TENM3: variants seen among roughly 807,000 people sequenced by gnomAD.
TENM3 encodes the protein teneurin-3.
TENM3 carries 63 observed loss-of-function variants against 255.1 expected under a neutral mutation model. The ratio of observed to expected loss-of-function variants is 0.25; its 90% CI spans 0.20 to 0.30. The LOEUF is 0.30. TENM3 is among the 10% of genes least tolerant of loss of function. The probability of loss-of-function intolerance (pLI) is 1.00; values close to 1 mark genes in which losing one functional copy is unlikely to be tolerated. For synonymous variants in TENM3, 1,306 were observed against 1,322.3 expected (o/e 0.99, Z 0.27); for missense variants, 2,929 against 3,461.1 (o/e 0.85, Z 3.86).
chr4:181,452,524 T>C, the TENM3 span, among the ~76,000 whole-genome samples: 1 of 152,116 alleles, frequency 6.6e-6, no homozygotes, highest in Non-Finnish European at 1.5e-5. Context: ...TGGTATTTCT[T>C]GGTGCCACCA....
the TENM3 span, among the ~76,000 whole-genome samples, chr4:182,064,540 A>G: frequency 0.13 from 19,247 of 152,018 alleles, 1,689 homozygotes; most frequent in African/African-American, 0.24. Flanking sequence ...CCGAGATCGC[A>G]CCACTGCTCC....
intron 5 of TENM3, among the ~76,000 whole-genome samples, chr4:182,643,908 G>A (rs557744570): frequency 1.3e-5 from 2 of 152,256 alleles, no homozygotes; most frequent in Non-Finnish European, 2.9e-5. Flanking sequence ...TTTCAGCATG[G>A]TATTTTTAAA....
At chr4:182,304,128 A>C (rs952017266) in intron 1 of TENM3, among the ~76,000 whole-genome samples, 1 of 152,142 alleles carries the variant, frequency 6.6e-6, no homozygotes, top group African/African-American at 2.4e-5. Context: ...AGTAAAAAAA[A>C]AAAGAAGTCA....
chr4:182,320,065 A>G (rs926193475), intron 1 of TENM3, among the ~76,000 whole-genome samples: 2 of 152,050 alleles, frequency 1.3e-5, no homozygotes, highest in Non-Finnish European at 2.9e-5. Flanking sequence ...GTGAGCTGAG[A>G]TTGCACCAGT....
At position 182,798,492 on chromosome 4, in the gene TENM3, G is replaced by A. The variant is rs572684480; in HGVS notation, c.7345-1104G>A. Among the ~76,000 whole-genome samples, 21 of 152,310 alleles carry A rather than the reference G, an allele frequency of 1.4e-4. No homozygotes were observed. In the South Asian group the frequency reaches 3.5e-3, roughly 26 times the overall value. ...ACCATCTAGGTTTGTGTAAGTGCCC[G>A]CTATGATGTTCACACAAGGACGAAA... On this transcript the variant is annotated intron_variant, in intron 27 of 27. Transcript: ENST00000511685.
At chr4:181,796,846 T>C in the TENM3 span, among the ~76,000 whole-genome samples, 1 of 152,198 alleles carries the variant, frequency 6.6e-6, no homozygotes, top group African/African-American at 2.4e-5. Flanking sequence ...CCACGTTCAT[T>C]TCATCCTACC....
chr4:182,486,585 A>G (rs1047279195), intron 3 of TENM3, among the ~76,000 whole-genome samples: 2 of 152,198 alleles, frequency 1.3e-5, no homozygotes, highest in African/African-American at 4.8e-5. Context: ...AAAGTAAATC[A>G]ACAAAAATCT....
chr4:182,526,142 G>A (rs1189034119), intron 3 of TENM3, among the ~76,000 whole-genome samples: 2 of 152,106 alleles, frequency 1.3e-5, no homozygotes, highest in Non-Finnish European at 2.9e-5. Context: ...ACCACGCCCG[G>A]CTGATTTTTT....
chr4:181,453,072 G>A, the TENM3 span, among the ~76,000 whole-genome samples: 1 of 152,310 alleles, frequency 6.6e-6, no homozygotes, highest in East Asian at 1.9e-4. Context: ...ACTTTCTCCA[G>A]AAGCTCTAGA....
chr4:181,649,996 G>A, the TENM3 span, among the ~76,000 whole-genome samples: 5 of 152,266 alleles, frequency 3.3e-5, no homozygotes, highest in East Asian at 1.9e-4. Context: ...TGACAGCAGA[G>A]ACAAACTTTG....
chr4:181,914,187 G>C, the TENM3 span, among the ~76,000 whole-genome samples: 1 of 152,160 alleles, frequency 6.6e-6, no homozygotes, highest in Non-Finnish European at 1.5e-5. Flanking sequence ...CCCAATTGAG[G>C]TGACGCTCAA....
intron 12 of TENM3, chr4:182,697,762 C>T (rs1363155947): frequency 1.3e-5 from 2 of 152,148 alleles, no homozygotes; most frequent in African/African-American, 4.8e-5. Context: ...CTACTTTAGC[C>T]TCTGTAATCC....
rs1272472961 is a variant in TENM3 at position 182,799,723 on chromosome 4, C to T, written c.7472C>T (p.Thr2491Met). ...GGAQSWLWFATVKSLIGKGVM... is the reference protein window; with the variant it reads ...GGAQSWLWFAMVKSLIGKGVM... ...GCGCAGTCCTGGCTGTGGTTCGCCA[C>T]GGTCAAGTCGCTGATCGGCAAGGGC... is the stretch of plus-strand genomic sequence containing the variant. Residue 2491 changes from threonine (T) to methionine (M), a missense_variant, in exon 28 of 28, where the codon ACG (threonine) becomes ATG (methionine). Thr to Met is a moderately conservative substitution (Grantham distance 81). Coordinates refer to ENST00000511685, the MANE Select transcript of TENM3 (RefSeq NM_001080477.4). This position sits in a 1 kb window ranked among gnomAD's most constrained non-coding sequence, Gnocchi z 4.2. The T allele has an allele frequency of 3.2e-6, 5 of 1,553,644 alleles. No homozygotes were observed. The East Asian group carries it at 7.3e-5, about 23-fold the overall frequency.
chr4:182,097,333 A>G, the TENM3 span, among the ~76,000 whole-genome samples: 52,815 of 151,886 alleles, frequency 0.35, 9,284 homozygotes, highest in Middle Eastern at 0.44. Context: ...GCCCTTCTGC[A>G]CCTCCCTCGG....
chr4:181,562,301 G>A, the TENM3 span, among the ~76,000 whole-genome samples: 3 of 151,888 alleles, frequency 2.0e-5, no homozygotes, highest in African/African-American at 7.3e-5. Context: ...TATACATACA[G>A]ATAGATCAAC....
chr4:182,753,365 T>C (rs1352719062), intron 20 of TENM3, 85 bp from the exon 21 acceptor site: 1 of 1,186,870 alleles, frequency 8.4e-7, no homozygotes, highest in Non-Finnish European at 1.2e-6. Context: ...TGGGGTTAAA[T>C]AACTGAGTTT....
chr4:181,577,967 C>A, the TENM3 span, among the ~76,000 whole-genome samples: 952 of 152,244 alleles, frequency 6.3e-3, 14 homozygotes, highest in African/African-American at 0.022. Context: ...TCAGTCCGTC[C>A]ATCCTCCATT....
chr4:181,687,509 TG>T, the TENM3 span, among the ~76,000 whole-genome samples: 1 of 152,198 alleles, frequency 6.6e-6, no homozygotes, highest in Non-Finnish European at 1.5e-5. Context: ...AGAATTCCTT[TG>T]ACGACTTGTT....
chr4:182,568,761 G>C (rs1744051025), intron 3 of TENM3, among the ~76,000 whole-genome samples: 3 of 152,188 alleles, frequency 2.0e-5, no homozygotes. Flanking sequence ...AGAAGGGATT[G>C]TGATATATTC....
Sources: allele counts gnomAD v4.1 joint callset (sites outside exome capture counted in the v4.1 genomes callset), GRCh38; gene constraint gnomAD v4.1.1; non-coding constraint Gnocchi (gnomAD v3.1); transcripts MANE v1.5; gene names NCBI Gene and HGNC (gene_info 2026-07-23, HGNC 2026-07-21).